BAIAP2L1: variants seen among roughly 807,000 people sequenced by gnomAD.
The protein encoded by BAIAP2L1 is BAR/IMD domain-containing adapter protein 2-like 1.
BAIAP2L1 carries 35 observed loss-of-function variants against 66.3 expected under a neutral mutation model. The ratio of observed to expected loss-of-function variants is 0.53; its 90% CI spans 0.40 to 0.70. The LOEUF (loss-of-function observed/expected upper bound fraction) is 0.70. Ranked by LOEUF, BAIAP2L1 falls within the 30% of genes least tolerant of loss-of-function variation. BAIAP2L1 has a pLI of 0.00. For missense variants in BAIAP2L1, 622 were observed against 656.9 expected (o/e 0.95, Z 0.58); for synonymous variants, 269 against 248.7 (o/e 1.08, Z -0.77).
intron 5 of BAIAP2L1, among the ~76,000 whole-genome samples, chr7:98,319,633 G>A (rs535957583): frequency 1.4e-5 from 2 of 147,480 alleles, no homozygotes; most frequent in East Asian, 4.0e-4. Flanking sequence ...TGCAACCTCC[G>A]CCTCCCCGGT....
Position 98,329,220 on chromosome 7 carries a change from C to T in BAIAP2L1, c.215-8922G>A, listed in dbSNP as rs75316449. Reference sequence around the variant, plus strand: ...AATGGAAACAAGCTAAAATAAGAAACAGTAATTCTGAGACGCATGACAGGA... The same window carrying T: ...AATGGAAACAAGCTAAAATAAGAAATAGTAATTCTGAGACGCATGACAGGA... On this transcript the variant is annotated intron_variant, in intron 3 of 13. Transcript: ENST00000005260. Among the ~76,000 whole-genome samples, 1,229 of 152,264 alleles carry T rather than the reference C, an allele frequency of 8.1e-3. 16 individuals are homozygous for T. The highest frequency in any genetic ancestry group is 0.028 in the African/African-American group (1,164 of 41,546).
At chr7:98,293,687 G>GTCTC in intron 13 of BAIAP2L1, 91 bp from the exon 14 acceptor site, 2 of 1,300,012 alleles carry the variant, frequency 1.5e-6, no homozygotes, top group Non-Finnish European at 2.2e-6. Flanking sequence ...TGCCCTGTGA[G>GTCTC]ACTGGGCGGC....
chr7:98,324,023 A>G (rs80016467), intron 3 of BAIAP2L1, among the ~76,000 whole-genome samples: 10 of 140,116 alleles, frequency 7.1e-5, no homozygotes, highest in South Asian at 4.3e-4. Flanking sequence ...GAAAAGGGGG[A>G]AAAAAAAAAC....
intron 3 of BAIAP2L1, among the ~76,000 whole-genome samples, chr7:98,351,888 G>A (rs558720537): frequency 7.2e-5 from 11 of 152,290 alleles, no homozygotes; most frequent in Non-Finnish European, 1.5e-4. Context: ...CACAGAGGCC[G>A]ACCCTCGAGG....
intron 12 of BAIAP2L1, among the ~76,000 whole-genome samples, chr7:98,301,661 TG>T (rs1408003809): frequency 6.6e-6 from 1 of 151,714 alleles, no homozygotes; most frequent in Non-Finnish European, 1.5e-5. Flanking sequence ...CTGAAGATGA[TG>T]GTGTGTGTGT....
intron 5 of BAIAP2L1, among the ~76,000 whole-genome samples, chr7:98,319,337 C>T (rs896773117): frequency 3.3e-5 from 5 of 152,310 alleles, no homozygotes; most frequent in East Asian, 3.9e-4. Flanking sequence ...CATGCAGGAG[C>T]GGTCTCTGCA....
intron 3 of BAIAP2L1, among the ~76,000 whole-genome samples, chr7:98,326,283 C>A (rs1045380986): frequency 6.6e-6 from 1 of 152,108 alleles, no homozygotes; most frequent in Non-Finnish European, 1.5e-5. Context: ...TCTCAAAAAA[C>A]CAAAACAAAA....
intron 9 of BAIAP2L1, chr7:98,309,528 T>G (rs1030037226): frequency 1.3e-5 from 2 of 152,188 alleles, no homozygotes; most frequent in African/African-American, 2.4e-5. Flanking sequence ...CACAGAGTAT[T>G]ACATACTTTA....
chr7:98,354,496 A>C (rs1802075623), intron 3 of BAIAP2L1, among the ~76,000 whole-genome samples: 1 of 152,166 alleles, frequency 6.6e-6, no homozygotes, highest in Non-Finnish European at 1.5e-5. Flanking sequence ...AACCCCCGAC[A>C]GTGAAGTGTT....
intron 3 of BAIAP2L1, among the ~76,000 whole-genome samples, chr7:98,351,628 G>T (rs1244498791): frequency 1.3e-5 from 2 of 152,152 alleles, no homozygotes; most frequent in Non-Finnish European, 2.9e-5. Context: ...GCACCATGAG[G>T]AAATGAGTAT....
chr7:98,366,758 G>A (rs1484161402), intron 1 of BAIAP2L1, among the ~76,000 whole-genome samples: 3 of 152,208 alleles, frequency 2.0e-5, no homozygotes, highest in Non-Finnish European at 4.4e-5. Flanking sequence ...CAGTGGCCAG[G>A]AAGCCCCAGA....
rs184387758 is a variant in BAIAP2L1, at chr7:98,364,076, C to T, written c.52-1644G>A. 3.9e-5 allele frequency among the ~76,000 whole-genome samples: 6 copies of T among 151,908 alleles called. No individual in the cohort carries two copies. In the East Asian group the frequency reaches 7.8e-4, roughly 20 times the overall value. The stretch of plus-strand genomic sequence containing the variant: ...TTTGGGGAGTAACTGCAGCTTCCTA[C>T]GACAGCAGATGAGGCCTCAGGTCTC... On this transcript the variant is annotated intron_variant, in intron 1 of 13. Coordinates refer to ENST00000005260, the MANE Select transcript of BAIAP2L1 (RefSeq NM_018842.5).
intron 1 of BAIAP2L1, among the ~76,000 whole-genome samples, chr7:98,371,720 T>C (rs1802513844): frequency 6.6e-6 from 1 of 152,228 alleles, no homozygotes; most frequent in Non-Finnish European, 1.5e-5. Flanking sequence ...TAATAAAGTA[T>C]ACATTAATTC....
In BAIAP2L1 at chr7:98,401,007, C is replaced by A; in HGVS notation, c.-155G>T. The A allele has an allele frequency of 1.8e-6, 1 of 557,442 alleles. No individual in the cohort carries two copies. The highest frequency in any genetic ancestry group is 2.7e-6 in the Non-Finnish European group (1 of 367,220). The allele number at this position is 557,442 out of a possible 1,614,324, so 34.5% of individuals were successfully genotyped here. On this transcript the variant is annotated 5_prime_UTR_variant, in exon 1 of 14. Transcript: ENST00000005260. ...GCCCGAGAGTGCCCGCGCGCGTCTCCGCTGCGAAAATGTCAAAACTTGCGG... is the reference window on the plus strand; with the variant it reads ...GCCCGAGAGTGCCCGCGCGCGTCTCAGCTGCGAAAATGTCAAAACTTGCGG...
intron 1 of BAIAP2L1, among the ~76,000 whole-genome samples, chr7:98,369,844 G>GA (rs1802470659): frequency 1.3e-5 from 2 of 151,520 alleles, no homozygotes. Context: ...GCTAATTTTT[G>GA]TTTTTTTAGT....
At chr7:98,325,521 T>C (rs942590972) in intron 3 of BAIAP2L1, among the ~76,000 whole-genome samples, 1 of 151,774 alleles carries the variant, frequency 6.6e-6, no homozygotes, top group Non-Finnish European at 1.5e-5. Flanking sequence ...CTACTAAAAA[T>C]ACAAAAATTA....
intron 5 of BAIAP2L1, 143 bp from the exon 6 acceptor site, chr7:98,317,499 C>T: frequency 2.0e-6 from 2 of 1,011,566 alleles, no homozygotes; most frequent in Non-Finnish European, 2.9e-6. Flanking sequence ...TGGCTGGGGC[C>T]CCCACACCCA....
chr7:98,386,039 C>T lies in BAIAP2L1; in HGVS notation c.51+14763G>A, dbSNP rs536668672. The T allele has an allele frequency of 8.4e-6, 12 of 1,429,954 alleles. No homozygotes were observed. In the South Asian group the frequency reaches 1.1e-4, roughly 14 times the overall value. 88.6% of individuals were successfully genotyped at this position (1,429,954 alleles called of 1,614,324 possible). ...CTGTCTGGAATCAATTTATTGACCA[C>T]TTCTTTCAAGTCATTTGTCTGCACC... On this transcript the variant is annotated intron_variant, in intron 1 of 13. Transcript: ENST00000005260.
At chr7:98,297,732 C>T (rs1177773680) in intron 12 of BAIAP2L1, among the ~76,000 whole-genome samples, 2 of 152,186 alleles carry the variant, frequency 1.3e-5, no homozygotes, top group South Asian at 4.1e-4. Flanking sequence ...TTTTGGAAGC[C>T]GAGGCACCCA....
Sources: gnomAD v4.1 joint callset for allele counts (sites outside exome capture counted in the v4.1 genomes callset) on GRCh38, gnomAD v4.1.1 for gene constraint, MANE v1.5 for transcripts, NCBI Gene and HGNC (gene_info 2026-07-23, HGNC 2026-07-21) for gene names.